SCFD2: variants seen among roughly 807,000 people sequenced by gnomAD.
SCFD2 encodes sec1 family domain-containing protein 2.
SCFD2 carries 54 observed loss-of-function variants against 58.9 expected under a neutral mutation model. The observed-to-expected ratio is 0.92, with a 90% CI of 0.74 to 1.15. The LOEUF (loss-of-function observed/expected upper bound fraction) is 1.15, where lower values mean the gene tolerates loss of function less well. Ranked by LOEUF, SCFD2 falls within the 50% of genes most tolerant of loss-of-function variation. The pLI is 0.00. For synonymous variants in SCFD2, 321 were observed against 335.9 expected (o/e 0.96, Z 0.49); for missense variants, 805 against 836.6 (o/e 0.96, Z 0.47).
chr4:53,239,408 G>A (rs1729813870), intron 4 of SCFD2, among the ~76,000 whole-genome samples: 1 of 138,646 alleles, frequency 7.2e-6, no homozygotes, highest in Admixed American at 7.2e-5. Flanking sequence ...GAGAGGGAGA[G>A]GGAGAGGGAG....
At chr4:52,896,144 T>C (rs1280334177) in intron 7 of SCFD2, among the ~76,000 whole-genome samples, 1 of 152,212 alleles carries the variant, frequency 6.6e-6, no homozygotes, top group Non-Finnish European at 1.5e-5. Flanking sequence ...TTTCTTTTGC[T>C]GTGCAGAAGC....
At chr4:52,983,490 A>G (rs1721422618) in intron 5 of SCFD2, among the ~76,000 whole-genome samples, 3 of 152,264 alleles carry the variant, frequency 2.0e-5, no homozygotes, top group African/African-American at 7.2e-5. Context: ...CTCAAATACC[A>G]AGATCTAAAT....
chr4:53,274,071 A>G, intron 3 of SCFD2, 70 bp from the exon 4 acceptor site: 2 of 1,305,178 alleles, frequency 1.5e-6, no homozygotes, highest in Non-Finnish European at 2.1e-6. Flanking sequence ...GGATTCCATT[A>G]ATAATACCAC....
intron 5 of SCFD2, among the ~76,000 whole-genome samples, chr4:52,999,249 C>T (rs1721810208): frequency 6.6e-6 from 1 of 151,694 alleles, no homozygotes; most frequent in Admixed American, 6.6e-5. Context: ...GCTTTGACTC[C>T]CTAATTTCAC....
chr4:53,336,130 G>T (rs112538825), intron 2 of SCFD2, among the ~76,000 whole-genome samples: 60 of 152,248 alleles, frequency 3.9e-4, no homozygotes, highest in African/African-American at 1.4e-3. Context: ...GGGTAATATA[G>T]TCATGGACTA....
intron 5 of SCFD2, among the ~76,000 whole-genome samples, chr4:53,024,242 C>A (rs1293336147): frequency 1.4e-5 from 2 of 138,744 alleles, no homozygotes; most frequent in African/African-American, 3.4e-5. Flanking sequence ...AACATTTGGC[C>A]CCAGAAAAAA....
chr4:53,276,697 T>C (rs1011369094), intron 3 of SCFD2, among the ~76,000 whole-genome samples: 2 of 152,186 alleles, frequency 1.3e-5, no homozygotes, highest in Admixed American at 1.3e-4. Flanking sequence ...CTCCCACTTA[T>C]AAGTGAGAAC....
At chr4:53,248,296 C>T (rs529496999) in intron 4 of SCFD2, among the ~76,000 whole-genome samples, 10 of 152,340 alleles carry the variant, frequency 6.6e-5, no homozygotes, top group African/African-American at 2.4e-4. Context: ...CTCGCAGATG[C>T]TAGCACAGCA....
intron 5 of SCFD2, among the ~76,000 whole-genome samples, chr4:53,084,107 T>G (rs1210351456): frequency 6.6e-6 from 1 of 152,034 alleles, no homozygotes; most frequent in Non-Finnish European, 1.5e-5. Flanking sequence ...GTGGAGTTTT[T>G]CCCCACCCTA....
intron 4 of SCFD2, among the ~76,000 whole-genome samples, chr4:53,212,470 A>AG (rs1460056650): frequency 1.0e-5 from 1 of 95,506 alleles, no homozygotes; most frequent in African/African-American, 4.2e-5. Flanking sequence ...AAAGAAAGCA[A>AG]AAAATAAATA....
intron 1 of SCFD2, among the ~76,000 whole-genome samples, chr4:53,364,259 A>T (rs752307928): frequency 3.9e-5 from 6 of 152,178 alleles, no homozygotes; most frequent in Non-Finnish European, 8.8e-5. Context: ...TTCGTTTTTT[A>T]TAACTTAATT....
At chr4:53,329,007 A>T (rs980638456) in intron 2 of SCFD2, among the ~76,000 whole-genome samples, 4 of 152,112 alleles carry the variant, frequency 2.6e-5, no homozygotes, top group Non-Finnish European at 5.9e-5. Flanking sequence ...AAATCGGGTC[A>T]CTCCCACCCG....
At chr4:53,065,803 T>C (rs1723647997) in intron 5 of SCFD2, among the ~76,000 whole-genome samples, 1 of 152,058 alleles carries the variant, frequency 6.6e-6, no homozygotes, top group African/African-American at 2.4e-5. Context: ...TACTATGTAT[T>C]TGTCATTTTT....
chr4:53,255,197 T>TTTTATTTATTTATTTC (rs1553892848), intron 4 of SCFD2, among the ~76,000 whole-genome samples: 4 of 140,620 alleles, frequency 2.8e-5, no homozygotes, highest in Non-Finnish European at 6.1e-5. Flanking sequence ...TTTTTTTCTT[T>TTTTATTTATTTATTTC]TTTATTTATT....
chr4:52,952,537 C>G (rs780642323), intron 5 of SCFD2, among the ~76,000 whole-genome samples: 1 of 152,122 alleles, frequency 6.6e-6, no homozygotes, highest in Non-Finnish European at 1.5e-5. Context: ...TCTTCTCTCC[C>G]ACAAATAGTA....
chr4:52,920,290 T>A (rs1293568002), intron 6 of SCFD2, among the ~76,000 whole-genome samples: 1 of 152,188 alleles, frequency 6.6e-6, no homozygotes. Context: ...CATCACAAAC[T>A]TTTTCCCTTG....
intron 4 of SCFD2, among the ~76,000 whole-genome samples, chr4:53,218,732 T>A (rs966072673): frequency 2.6e-5 from 4 of 152,250 alleles, no homozygotes; most frequent in Non-Finnish European, 5.9e-5. Flanking sequence ...TTTTTAGATT[T>A]TTCAGCTTTT....
At chr4:53,344,198 C>T (rs1388830757) in intron 2 of SCFD2, among the ~76,000 whole-genome samples, 1 of 151,824 alleles carries the variant, frequency 6.6e-6, no homozygotes, top group African/African-American at 2.4e-5. Context: ...ATTTAGAAAA[C>T]CCCATCATCT....
chr4:53,044,000 A>G (rs1210552453), intron 5 of SCFD2, among the ~76,000 whole-genome samples: 1 of 152,158 alleles, frequency 6.6e-6, no homozygotes. Flanking sequence ...CTTTCAAGAA[A>G]GAACTTGCCT....
Sources: gnomAD v4.1 joint callset for allele counts (sites outside exome capture counted in the v4.1 genomes callset) on GRCh38, gnomAD v4.1.1 for gene constraint, MANE v1.5 for transcripts, NCBI Gene and HGNC (gene_info 2026-07-23, HGNC 2026-07-21) for gene names.